Variants in GFOD2 observed in about 807,000 individuals in gnomAD.
GFOD2 encodes the protein Gfo/Idh/MocA-like oxidoreductase domain containing 2, also known as glucose-fructose oxidoreductase domain-containing protein 2.
A neutral mutation model predicts 24.6 loss-of-function variants in GFOD2; 9 were observed. That is an observed-to-expected ratio of 0.37 (90% CI 0.22 to 0.64). The LOEUF (loss-of-function observed/expected upper bound fraction) is 0.64. GFOD2 is among the 30% of genes least tolerant of loss of function. The probability of loss-of-function intolerance (pLI) is 0.65; values close to 1 mark genes in which losing one functional copy is unlikely to be tolerated. For missense variants in GFOD2, 476 were observed against 532.5 expected, an observed-to-expected ratio of 0.89 and a Z score of 1.04; for synonymous variants, 211 against 224.8, an observed-to-expected ratio of 0.94 and a Z score of 0.55.
intron 1 of GFOD2, among the ~76,000 whole-genome samples, chr16:67,713,059 T>A (rs2053487133): frequency 6.8e-6 from 1 of 147,202 alleles, no homozygotes; most frequent in Non-Finnish European, 1.5e-5. Flanking sequence ...ATTTTTTTTA[T>A]TTTTTATAGA....
At chr16:67,716,851 A>G (rs1362843404) in intron 1 of GFOD2, among the ~76,000 whole-genome samples, 4 of 152,186 alleles carry the variant, frequency 2.6e-5, no homozygotes, top group African/African-American at 9.7e-5. Context: ...CACAATACCC[A>G]TAGTTATGGT....
At chr16:67,695,347 C>A (rs1309966170) in intron 1 of GFOD2, among the ~76,000 whole-genome samples, 1 of 152,032 alleles carries the variant, frequency 6.6e-6, no homozygotes, top group Non-Finnish European at 1.5e-5. Flanking sequence ...GGCTTCTCTA[C>A]TAGTTTTCTT....
At position 67,675,866 on chromosome 16, in the gene GFOD2, A is replaced by G. The variant is rs751095416; in HGVS notation, c.447T>C (p.Asp149=). 6.2e-7 allele frequency: 1 copy of G among 1,614,186 alleles called. No homozygotes were observed. Among genetic ancestry groups the G allele is most frequent in the South Asian group, 1.1e-5 (1 of 91,088 alleles). The part of the protein sequence containing the change: ...EHYVGAVMIC[D]ARIYSGSLLS... ...GCAGGCTGCCTGAGTAGATGCGGGC[A>G]TCACAGATCATCACCGCTCCCACAT... The change falls in exon 3 of 3, where the codon GAT becomes GAC. Residue 149 remains aspartate (D), a synonymous_variant. Transcript: ENST00000268797.
chr16:67,697,490 G>T (rs1041927650), intron 1 of GFOD2, among the ~76,000 whole-genome samples: 1 of 152,152 alleles, frequency 6.6e-6, no homozygotes, highest in African/African-American at 2.4e-5. Flanking sequence ...TCTGTCCCTT[G>T]TTCCATGCAA....
At chr16:67,698,641 G>A (rs1186201944) in intron 1 of GFOD2, among the ~76,000 whole-genome samples, 4 of 152,146 alleles carry the variant, frequency 2.6e-5, no homozygotes, top group African/African-American at 9.7e-5. Flanking sequence ...ACCATGCCCA[G>A]CTAATTTTTG....
intron 1 of GFOD2, among the ~76,000 whole-genome samples, chr16:67,706,268 C>T (rs1009685234): frequency 6.6e-6 from 1 of 152,088 alleles, no homozygotes; most frequent in South Asian, 2.1e-4. Context: ...TGAGCCACTG[C>T]GCCTGGCCTG....
At chr16:67,705,886 G>C (rs1264653641) in intron 1 of GFOD2, among the ~76,000 whole-genome samples, 1 of 148,358 alleles carries the variant, frequency 6.7e-6, no homozygotes, top group Non-Finnish European at 1.5e-5. Flanking sequence ...GTTGCAGTGA[G>C]CCGAGATCAC....
intron 1 of GFOD2, among the ~76,000 whole-genome samples, chr16:67,698,747 G>A (rs2053376929): frequency 6.6e-6 from 1 of 152,204 alleles, no homozygotes; most frequent in South Asian, 2.1e-4. Flanking sequence ...CCGAAGTGTT[G>A]GGATTACAGG....
rs371985942 is a variant in GFOD2 at position 67,702,346 on chromosome 16, C to T, written c.-87-16544G>A. ...CAAATTAGCCAGGCTTCAGGGTGTGCGCCTGTAATCCTAGCTACTCAGGAG... is the reference window on the plus strand; with the variant it reads ...CAAATTAGCCAGGCTTCAGGGTGTGTGCCTGTAATCCTAGCTACTCAGGAG... On this transcript the variant is annotated intron_variant, in intron 1 of 2. Coordinates refer to ENST00000268797, the MANE Select transcript of GFOD2 (RefSeq NM_030819.4). Among the ~76,000 whole-genome samples, 65 of 151,946 alleles carry T rather than the reference C, an allele frequency of 4.3e-4. 1 individual carries two copies. In the South Asian group the frequency reaches 6.7e-3, roughly 16 times the overall value.
intron 1 of GFOD2, among the ~76,000 whole-genome samples, chr16:67,710,728 AG>A (rs2053467978): frequency 6.6e-6 from 1 of 152,282 alleles, no homozygotes; most frequent in Admixed American, 6.5e-5. Flanking sequence ...CACGTGAGAA[AG>A]GTTTCACACT....
intron 1 of GFOD2, among the ~76,000 whole-genome samples, chr16:67,699,985 G>A (rs574713034): frequency 7.5e-4 from 114 of 152,190 alleles, no homozygotes; most frequent in African/African-American, 2.7e-3. Context: ...TCAGGAGGGA[G>A]GAACACTTGA....
At chr16:67,690,003 T>C (rs1239680999) in intron 1 of GFOD2, among the ~76,000 whole-genome samples, 1 of 152,202 alleles carries the variant, frequency 6.6e-6, no homozygotes, top group African/African-American at 2.4e-5. Flanking sequence ...ACAAACCTTG[T>C]AGCATATGTC....
intron 2 of GFOD2, chr16:67,680,594 T>A: frequency 3.1e-6 from 1 of 319,014 alleles, no homozygotes; most frequent in Non-Finnish European, 4.5e-6. Context: ...CTCTGCCACC[T>A]TGACCCTGAA....
At chr16:67,681,848 T>A (rs1347053784) in intron 2 of GFOD2, 1 of 985,146 alleles carries the variant, frequency 1.0e-6, no homozygotes, top group Non-Finnish European at 1.2e-6. Flanking sequence ...CCTGAGTTTA[T>A]CTAGCTCTCC....
chr16:67,706,762 G>A (rs1437821951), intron 1 of GFOD2, among the ~76,000 whole-genome samples: 4 of 152,080 alleles, frequency 2.6e-5, no homozygotes, highest in Non-Finnish European at 5.9e-5. Flanking sequence ...GCAAGCCACA[G>A]GTTGGGAAAA....
intron 1 of GFOD2, among the ~76,000 whole-genome samples, chr16:67,695,967 T>C (rs1430239385): frequency 6.6e-6 from 1 of 152,088 alleles, no homozygotes; most frequent in Non-Finnish European, 1.5e-5. Context: ...ACCCTAGTTG[T>C]ATTTGGGTAT....
intron 1 of GFOD2, among the ~76,000 whole-genome samples, chr16:67,714,373 G>A (rs564359318): frequency 5.3e-5 from 8 of 151,524 alleles, no homozygotes; most frequent in Non-Finnish European, 1.2e-4. Context: ...CAGCTACTCG[G>A]GAGGCTGAGG....
intron 1 of GFOD2, among the ~76,000 whole-genome samples, chr16:67,698,476 TTTTTTC>T (rs1158073814): frequency 5.9e-5 from 9 of 152,208 alleles, no homozygotes; most frequent in East Asian, 1.9e-4. Context: ...CCATTGGATT[TTTTTTC>T]TTTTTCTTTT....
At chr16:67,681,334 G>C (rs2053223750) in intron 2 of GFOD2, 1 of 985,332 alleles carries the variant, frequency 1.0e-6, no homozygotes, top group African/African-American at 1.7e-5. Context: ...GAGTTTGGTG[G>C]TGATAAAACT....
Sources: gnomAD v4.1 joint callset for allele counts (sites outside exome capture counted in the v4.1 genomes callset) on GRCh38, gnomAD v4.1.1 for gene constraint, MANE v1.5 for transcripts, NCBI Gene and HGNC (gene_info 2026-07-23, HGNC 2026-07-21) for gene names.